Variants in SUMF1 observed in about 807,000 individuals in gnomAD.
The protein encoded by SUMF1 is sulfatase modifying factor 1.
Under a neutral mutation model 47.6 loss-of-function variants are expected in SUMF1, and 48 were observed. The observed-to-expected ratio is 1.01, with a 90% CI of 0.80 to 1.28. The LOEUF is 1.28. SUMF1 is among the 50% of genes most tolerant of loss of function. The pLI is 0.00. For missense variants in SUMF1, 571 were observed against 485.4 expected, an observed-to-expected ratio of 1.18 and a Z score of -1.66; for synonymous variants, 230 against 192.1, an observed-to-expected ratio of 1.20 and a Z score of -1.63.
At chr3:4,163,617 G>A (rs190815120) in intron 8 of SUMF1, among the ~76,000 whole-genome samples, 1 of 151,264 alleles carries the variant, frequency 6.6e-6, no homozygotes, top group African/African-American at 2.4e-5. Context: ...CAGTCTTCCA[G>A]CTCCTTTGTA....
At chr3:4,041,472 G>T (rs1468640730) in intron 9 of SUMF1, among the ~76,000 whole-genome samples, 1 of 152,186 alleles carries the variant, frequency 6.6e-6, no homozygotes, top group Non-Finnish European at 1.5e-5. Flanking sequence ...CCTTCAGAGA[G>T]CTTCAGCACT....
chr3:4,069,511 C>T (rs1391929864), intron 8 of SUMF1, among the ~76,000 whole-genome samples: 2 of 152,170 alleles, frequency 1.3e-5, no homozygotes, highest in East Asian at 3.8e-4. Flanking sequence ...AACATGCAAT[C>T]TATGTGCCCT....
chr3:4,277,766 GTACCTCCAT>G (rs1167690597), intron 8 of SUMF1, among the ~76,000 whole-genome samples: 1 of 152,046 alleles, frequency 6.6e-6, no homozygotes, highest in Non-Finnish European at 1.5e-5. Context: ...CAGTGTTAGA[GTACCTCCAT>G]TAAATAATAG....
chr3:4,189,648 G>C (rs1574963896), intron 8 of SUMF1, among the ~76,000 whole-genome samples: 1 of 151,978 alleles, frequency 6.6e-6, no homozygotes, highest in South Asian at 2.1e-4. Context: ...ATAAAAAGTA[G>C]GGCAAGAGAA....
rs566963278 is a variant in SUMF1, at chr3:4,132,596, T to A, written c.1015-63851A>T. 3.9e-5 allele frequency among the ~76,000 whole-genome samples: 6 copies of A among 152,246 alleles called. No homozygotes were observed. The South Asian group carries it at 1.2e-3, about 32-fold the overall frequency. On this transcript the variant is annotated intron_variant and NMD_transcript_variant, in intron 8 of 12. Coordinates refer to the SUMF1 transcript ENST00000448413. ...ATCCACTAGCAAAATTTTTGCTTCC[T>A]GTTTCCATTACATTATGTTCTGCTG... is the stretch of plus-strand genomic sequence containing the variant.
At chr3:4,077,614 C>A (rs1385678372) in intron 8 of SUMF1, among the ~76,000 whole-genome samples, 1 of 151,948 alleles carries the variant, frequency 6.6e-6, no homozygotes, top group East Asian at 1.9e-4. Context: ...AATGAGAGCA[C>A]ATGGACACAG....
chr3:4,392,955 A>G (rs1439315727), intron 7 of SUMF1, among the ~76,000 whole-genome samples: 1 of 152,028 alleles, frequency 6.6e-6, no homozygotes, highest in African/African-American at 2.4e-5. Context: ...TCATGAACCA[A>G]GGTGTATGGA....
intron 8 of SUMF1, among the ~76,000 whole-genome samples, chr3:4,268,977 G>T (rs1697253436): frequency 6.6e-6 from 1 of 151,956 alleles, no homozygotes; most frequent in African/African-American, 2.4e-5. Flanking sequence ...CTGTTCATAG[G>T]TCTAAAATAT....
intron 8 of SUMF1, among the ~76,000 whole-genome samples, chr3:4,146,405 AG>A (rs5846312): frequency 0.39 from 59,226 of 151,616 alleles, 12,133 homozygotes; most frequent in East Asian, 0.57. Flanking sequence ...GAGAGAGGCG[AG>A]GGGGGGAAAG....
At chr3:4,382,347 C>CCACACACACACACAA (rs1268921541) in intron 7 of SUMF1, among the ~76,000 whole-genome samples, 2 of 115,320 alleles carry the variant, frequency 1.7e-5, no homozygotes, top group African/African-American at 8.1e-5. Context: ...CACACACACA[C>CCACACACACACACAA]ACACACACAT....
intron 3 of SUMF1, among the ~76,000 whole-genome samples, chr3:4,438,078 T>C (rs1323566424): frequency 6.6e-6 from 1 of 152,060 alleles, no homozygotes; most frequent in East Asian, 1.9e-4. Flanking sequence ...AAAATCATTA[T>C]CAAAGTAAAA....
intron 9 of SUMF1, among the ~76,000 whole-genome samples, chr3:4,054,737 T>G (rs959922893): frequency 1.3e-5 from 2 of 152,110 alleles, no homozygotes; most frequent in African/African-American, 2.4e-5. Flanking sequence ...CCAGAGAAAC[T>G]GATAAATAAA....
At chr3:4,171,455 G>C (rs1694831339) in intron 8 of SUMF1, among the ~76,000 whole-genome samples, 1 of 152,004 alleles carries the variant, frequency 6.6e-6, no homozygotes. Context: ...GAAACCCAAG[G>C]GTCATCTGAA....
chr3:4,113,334 C>T (rs961167283), intron 8 of SUMF1, among the ~76,000 whole-genome samples: 1 of 151,920 alleles, frequency 6.6e-6, no homozygotes, highest in African/African-American at 2.4e-5. Flanking sequence ...TTCAACCATC[C>T]TGGGCAATAT....
intron 8 of SUMF1, among the ~76,000 whole-genome samples, chr3:4,199,031 CA>C (rs1264193198): frequency 6.6e-6 from 1 of 152,006 alleles, no homozygotes; most frequent in Admixed American, 6.6e-5. Context: ...AAAATTCGAC[CA>C]CTTGAAGTTT....
intron 8 of SUMF1, among the ~76,000 whole-genome samples, chr3:4,294,611 T>A (rs1417939577): frequency 6.6e-6 from 1 of 151,996 alleles, no homozygotes; most frequent in Non-Finnish European, 1.5e-5. Flanking sequence ...CAACAACAAA[T>A]GTTAATTTGG....
chr3:4,454,518 T>C (rs1014334787), intron 1 of SUMF1, among the ~76,000 whole-genome samples: 4 of 152,210 alleles, frequency 2.6e-5, no homozygotes, highest in African/African-American at 9.7e-5. Context: ...TGGAAAACAG[T>C]CTGGCAGTTT....
At chr3:4,418,827 G>A (rs920177967) in intron 4 of SUMF1, among the ~76,000 whole-genome samples, 1 of 152,074 alleles carries the variant, frequency 6.6e-6, no homozygotes, top group Admixed American at 6.5e-5. Context: ...GGGTATAAAG[G>A]GTGTGGAAGT....
chr3:4,099,000 A>G (rs1328319438), intron 8 of SUMF1, among the ~76,000 whole-genome samples: 1 of 152,122 alleles, frequency 6.6e-6, no homozygotes, highest in East Asian at 1.9e-4. Context: ...CCCACTAGCG[A>G]CAGTAAAGAA....
Sources: allele counts gnomAD v4.1 joint callset (sites outside exome capture counted in the v4.1 genomes callset), GRCh38; gene constraint gnomAD v4.1.1; transcripts MANE v1.5; gene names NCBI Gene and HGNC (gene_info 2026-07-23, HGNC 2026-07-21).